ANTXR2: variants seen among roughly 807,000 people sequenced by gnomAD.
The protein encoded by ANTXR2 is anthrax toxin receptor 2.
ANTXR2 carries 44 observed loss-of-function variants against 73.7 expected under a neutral mutation model. That is an observed-to-expected ratio of 0.60 (90% CI 0.47 to 0.77). ANTXR2 has a LOEUF of 0.77. ANTXR2 is among the 30% of genes least tolerant of loss of function. The pLI is 0.00. For missense variants in ANTXR2, 604 were observed against 592.5 expected (o/e 1.02, Z -0.20); for synonymous variants, 217 against 205.9 (o/e 1.05, Z -0.46).
chr4:79,966,127 G>GACACACACACACACACACACACAC (rs10549471), intron 16 of ANTXR2, among the ~76,000 whole-genome samples: 3 of 149,408 alleles, frequency 2.0e-5, no homozygotes, highest in Non-Finnish European at 4.4e-5. Context: ...CTAGGACTTA[G>GACACACACACACACACACACACAC]ACACACACAC....
chr4:80,000,483 A>G (rs1398153485), intron 12 of ANTXR2, among the ~76,000 whole-genome samples: 1 of 152,074 alleles, frequency 6.6e-6, no homozygotes, highest in African/African-American at 2.4e-5. Flanking sequence ...ATAAGTATTC[A>G]CCATGCAACA....
At chr4:80,045,626 G>A in intron 7 of ANTXR2, among the ~76,000 whole-genome samples, 1 of 151,062 alleles carries the variant, frequency 6.6e-6, no homozygotes, top group African/African-American at 2.4e-5. Context: ...AACACTAAAG[G>A]ATTCATCCCC....
intron 16 of ANTXR2, among the ~76,000 whole-genome samples, chr4:79,915,607 AAG>A (rs1445303629): frequency 6.6e-6 from 1 of 152,124 alleles, no homozygotes; most frequent in East Asian, 1.9e-4. Context: ...TACGACAGTA[AAG>A]AGTGTTTCAA....
At chr4:80,027,602 G>C (rs1732502460) in intron 10 of ANTXR2, among the ~76,000 whole-genome samples, 1 of 152,054 alleles carries the variant, frequency 6.6e-6, no homozygotes, top group South Asian at 2.1e-4. Context: ...AGAAGATTCT[G>C]GCCAATGTTT....
At chr4:80,000,786 C>T (rs1263448354) in intron 12 of ANTXR2, among the ~76,000 whole-genome samples, 3 of 152,050 alleles carry the variant, frequency 2.0e-5, no homozygotes, top group Admixed American at 2.0e-4. Context: ...CATAGTTTCA[C>T]AGACACAGTA....
chr4:80,055,597 T>C (rs888438361), intron 4 of ANTXR2, 130 bp from the exon 5 acceptor site: 3 of 747,116 alleles, frequency 4.0e-6, no homozygotes, highest in African/African-American at 1.8e-5. Flanking sequence ...CAGGGTAATT[T>C]GTGTTAACTA....
At chr4:80,028,372 C>T (rs1007056665) in intron 10 of ANTXR2, among the ~76,000 whole-genome samples, 12 of 152,130 alleles carry the variant, frequency 7.9e-5, no homozygotes, top group African/African-American at 2.9e-4. Flanking sequence ...CCATCTCCCA[C>T]ATGCTCTTTT....
At chr4:79,934,361 T>C (rs1401393816) in intron 16 of ANTXR2, among the ~76,000 whole-genome samples, 1 of 151,786 alleles carries the variant, frequency 6.6e-6, no homozygotes, top group African/African-American at 2.4e-5. Context: ...AAACCCTGAG[T>C]ACTAAAAATA....
intron 16 of ANTXR2, among the ~76,000 whole-genome samples, chr4:79,910,407 G>A (rs1178651728): frequency 6.6e-6 from 1 of 151,338 alleles, no homozygotes; most frequent in Non-Finnish European, 1.5e-5. Flanking sequence ...TACTCCAGAG[G>A]CTGAGGCAGG....
At chr4:79,964,884 C>G (rs1254074840) in intron 16 of ANTXR2, 1 of 152,284 alleles carries the variant, frequency 6.6e-6, no homozygotes, top group Non-Finnish European at 1.5e-5. Flanking sequence ...GACTTCCCGC[C>G]GCAATCAAAG....
Position 79,906,987 on chromosome 4 carries a change from T to C in ANTXR2, c.*442A>G, listed in dbSNP as rs1578071404. The C allele has an allele frequency of 4.9e-6, 1 of 203,912 alleles. No homozygotes were observed. Among genetic ancestry groups the C allele is most frequent in the East Asian group, 1.8e-4 (1 of 5,696 alleles). The allele number at this position is 203,912 out of a possible 1,614,324, so 12.6% of individuals were successfully genotyped here. A position where few individuals can be genotyped will look rare whatever the true frequency, so the allele number is the denominator to read the frequency against. ...GGAAATTTCATACTCTGCCTATGGA[T>C]AAAGATCTTGCCACATAAAAACACA... is the stretch of plus-strand genomic sequence containing the variant. On this transcript the variant is annotated 3_prime_UTR_variant, in exon 17 of 17. Coordinates refer to ENST00000403729, the MANE Select transcript of ANTXR2 (RefSeq NM_058172.6).
At chr4:80,021,861 T>G (rs1340030274) in intron 10 of ANTXR2, among the ~76,000 whole-genome samples, 4 of 152,164 alleles carry the variant, frequency 2.6e-5, no homozygotes, top group African/African-American at 9.6e-5. Context: ...ATCTTCCTCC[T>G]TTTGAGAGTA....
chr4:79,976,772 G>A (rs141907319), intron 16 of ANTXR2, among the ~76,000 whole-genome samples: 1 of 152,244 alleles, frequency 6.6e-6, no homozygotes, highest in Non-Finnish European at 1.5e-5. Context: ...CCTGGGCTAA[G>A]CTCCAATTTG....
At chr4:79,936,475 A>C (rs1728259367) in intron 16 of ANTXR2, among the ~76,000 whole-genome samples, 1 of 149,780 alleles carries the variant, frequency 6.7e-6, no homozygotes, top group Non-Finnish European at 1.5e-5. Flanking sequence ...CAAAACCTAA[A>C]TGAACAATCA....
At chr4:80,051,241 G>T (rs1733761073) in intron 7 of ANTXR2, among the ~76,000 whole-genome samples, 3 of 151,706 alleles carry the variant, frequency 2.0e-5, no homozygotes, top group African/African-American at 7.3e-5. Flanking sequence ...CCCCTAAGGT[G>T]ACTCACTGAA....
At chr4:80,053,025 A>G (rs190217490) in intron 7 of ANTXR2, among the ~76,000 whole-genome samples, 1 of 151,574 alleles carries the variant, frequency 6.6e-6, no homozygotes, top group Non-Finnish European at 1.5e-5. Context: ...TCTCCTTCCC[A>G]GTATAATTAT....
intron 16 of ANTXR2, among the ~76,000 whole-genome samples, chr4:79,933,020 CT>C (rs1728120702): frequency 6.6e-6 from 1 of 151,972 alleles, no homozygotes; most frequent in Non-Finnish European, 1.5e-5. Flanking sequence ...TATTTATTTT[CT>C]CCTTAACAAT....
rs1469156165 is a variant in ANTXR2 at position 80,031,662 on chromosome 4, G to C, written c.827C>G (p.Ser276Cys). 5 of 1,528,034 alleles carry C rather than the reference G, an allele frequency of 3.3e-6. No homozygotes were observed. Among genetic ancestry groups the C allele is most frequent in the African/African-American group, 1.4e-5 (1 of 69,812 alleles). 94.7% of individuals were successfully genotyped at this position (1,528,034 alleles called of 1,614,324 possible). A position where few individuals can be genotyped will look rare whatever the true frequency, so the allele number is the denominator to read the frequency against. The change falls in exon 10 of 17, where the codon TCT becomes TGT. Residue 276 changes from serine to cysteine, a missense_variant. By Grantham distance (112) the Ser-to-Cys change is moderately radical (BLOSUM62 -1). Coordinates refer to ENST00000403729, the MANE Select transcript of ANTXR2 (RefSeq NM_058172.6). ...SVKPVSVQLN[S>C]MLCPAPILNK... is the part of the protein sequence containing the mutation. ...CAGGATAGGTGCAGGACAAAGCATAGAATTAAGCTGTACACTTACTGGTTT... is the reference window on the plus strand; with the variant it reads ...CAGGATAGGTGCAGGACAAAGCATACAATTAAGCTGTACACTTACTGGTTT...
chr4:80,072,596 C>G lies in ANTXR2; in HGVS notation c.-36G>C. ...GGGGCCTGAGACTCCCTCCCGCTCGCAGTCCCCTAAGCTCAGGAGGGTCGC... is the reference window on the plus strand; with the variant it reads ...GGGGCCTGAGACTCCCTCCCGCTCGGAGTCCCCTAAGCTCAGGAGGGTCGC... On this transcript the variant is annotated 5_prime_UTR_variant, in exon 1 of 17. Coordinates refer to ENST00000403729, the MANE Select transcript of ANTXR2 (RefSeq NM_058172.6). The G allele has an allele frequency of 6.8e-7, 1 of 1,481,288 alleles. No individual in the cohort carries two copies. Among genetic ancestry groups the G allele is most frequent in the Non-Finnish European group, 8.9e-7 (1 of 1,117,748 alleles). 91.8% of individuals were successfully genotyped at this position (1,481,288 alleles called of 1,614,324 possible). A position where few individuals can be genotyped will look rare whatever the true frequency, so the allele number is the denominator to read the frequency against.
Sources: gnomAD v4.1 joint callset for allele counts (sites outside exome capture counted in the v4.1 genomes callset) on GRCh38, gnomAD v4.1.1 for gene constraint, MANE v1.5 for transcripts, NCBI Gene and HGNC (gene_info 2026-07-23, HGNC 2026-07-21) for gene names.